ARHGAP18: variants seen among roughly 807,000 people sequenced by gnomAD.
The protein encoded by ARHGAP18 is Rho GTPase activating protein 18.
Under a neutral mutation model 86.2 loss-of-function variants are expected in ARHGAP18, and 67 were observed. The ratio of observed to expected loss-of-function variants is 0.78; its 90% CI spans 0.64 to 0.95. The LOEUF (loss-of-function observed/expected upper bound fraction) is 0.95. ARHGAP18 is among the 40% of genes least tolerant of loss of function. The pLI is 0.00. For synonymous variants in ARHGAP18, 283 were observed against 280.4 expected (o/e 1.01, Z -0.09); for missense variants, 691 against 780.4 (o/e 0.89, Z 1.37).
At chr6:129,625,002 ATAT>A (rs1789316841) in intron 5 of ARHGAP18, among the ~76,000 whole-genome samples, 12 of 101,044 alleles carry the variant, frequency 1.2e-4, no homozygotes, top group South Asian at 2.7e-4. Flanking sequence ...TATATGATAT[ATAT>A]TTATATAATA....
intron 1 of ARHGAP18, among the ~76,000 whole-genome samples, chr6:129,691,091 A>G (rs1196233704): frequency 2.6e-5 from 4 of 152,332 alleles, no homozygotes; most frequent in African/African-American, 9.6e-5. Context: ...TCACAATTCA[A>G]CTGGTTATTC....
chr6:129,632,523 C>T (rs1430361364), intron 4 of ARHGAP18, among the ~76,000 whole-genome samples: 1 of 152,102 alleles, frequency 6.6e-6, no homozygotes, highest in Non-Finnish European at 1.5e-5. Flanking sequence ...CCCCAGAGCC[C>T]AAAACATATT....
intron 7 of ARHGAP18, 139 bp from the exon 8 acceptor site, chr6:129,611,749 T>C (rs7753754): frequency 0.37 from 239,381 of 646,470 alleles, 48,071 homozygotes; most frequent in African/African-American, 0.67. Flanking sequence ...AATGCTATTT[T>C]ACTACCACTG....
chr6:129,698,186 C>T (rs1232659383), intron 1 of ARHGAP18, among the ~76,000 whole-genome samples: 3 of 152,150 alleles, frequency 2.0e-5, no homozygotes, highest in Non-Finnish European at 4.4e-5. Context: ...AATTTGTACA[C>T]TTATTTTTTT....
chr6:129,602,977 A>G (rs562769014), intron 10 of ARHGAP18, among the ~76,000 whole-genome samples: 1 of 133,040 alleles, frequency 7.5e-6, no homozygotes, highest in East Asian at 2.2e-4. Flanking sequence ...GAACCTTCAG[A>G]ATTTCCCCTT....
intron 1 of ARHGAP18, among the ~76,000 whole-genome samples, chr6:129,703,775 T>C (rs1774756960): frequency 6.6e-6 from 1 of 152,228 alleles, no homozygotes; most frequent in Non-Finnish European, 1.5e-5. Context: ...CAAAGGACTC[T>C]TATGTCATGA....
chr6:129,678,083 T>C (rs1334039956), intron 1 of ARHGAP18, among the ~76,000 whole-genome samples: 1 of 152,208 alleles, frequency 6.6e-6, no homozygotes, highest in Non-Finnish European at 1.5e-5. Context: ...TGTTGTCAGA[T>C]AACAGAGAGA....
chr6:129,655,380 G>A (rs989533061), intron 1 of ARHGAP18, among the ~76,000 whole-genome samples: 26 of 147,654 alleles, frequency 1.8e-4, no homozygotes, highest in Non-Finnish European at 1.0e-4. Flanking sequence ...AGCCTGTAGA[G>A]ACCATAAAGT....
At chr6:129,626,099 CACACACAT>C (rs1460802489) in intron 5 of ARHGAP18, among the ~76,000 whole-genome samples, 21 of 135,590 alleles carry the variant, frequency 1.5e-4, no homozygotes, top group African/African-American at 5.4e-4. Context: ...CACACACACA[CACACACAT>C]ATATAGAAGA....
In ARHGAP18 at chr6:129,622,329, T is replaced by C. The variant is rs61561025; in HGVS notation, c.787-3477A>G. Among the ~76,000 whole-genome samples the C allele has an allele frequency of 6.7e-3, 1,017 of 152,296 alleles. 12 individuals are homozygous for C. Among genetic ancestry groups the C allele is most frequent in the African/African-American group, 0.022 (908 of 41,548 alleles). On this transcript the variant is annotated intron_variant, in intron 5 of 14. Coordinates refer to ENST00000368149, the MANE Select transcript of ARHGAP18 (RefSeq NM_033515.3). The stretch of plus-strand genomic sequence containing the variant: ...CATTTTCTGAATGCTGAACCAACCA[T>C]ATTTACCTTTTTTTTAAGCCCTAAA...
chr6:129,591,400 G>A (rs938016444), intron 12 of ARHGAP18, among the ~76,000 whole-genome samples: 1 of 152,066 alleles, frequency 6.6e-6, no homozygotes, highest in Non-Finnish European at 1.5e-5. Context: ...CAGCAGGACT[G>A]GAGAAGGGCA....
At chr6:129,669,429 C>A (rs887247779) in intron 1 of ARHGAP18, among the ~76,000 whole-genome samples, 11 of 151,316 alleles carry the variant, frequency 7.3e-5, no homozygotes, top group African/African-American at 2.7e-4. Flanking sequence ...ACCTCGGCTT[C>A]CCAAAGTGCT....
intron 13 of ARHGAP18, among the ~76,000 whole-genome samples, chr6:129,581,296 G>GAC (rs1788284036): frequency 1.3e-5 from 2 of 152,162 alleles, no homozygotes; most frequent in African/African-American, 4.8e-5. Flanking sequence ...TGGCACACTG[G>GAC]ACAGTCAGGG....
intron 1 of ARHGAP18, among the ~76,000 whole-genome samples, chr6:129,706,951 G>A (rs761063885): frequency 9.9e-5 from 15 of 151,332 alleles, no homozygotes; most frequent in Non-Finnish European, 1.5e-4. Context: ...TTCAGGCTGG[G>A]CGCAGTGGCT....
At chr6:129,697,149 G>A (rs923799053) in intron 1 of ARHGAP18, among the ~76,000 whole-genome samples, 2 of 152,160 alleles carry the variant, frequency 1.3e-5, no homozygotes, top group South Asian at 2.1e-4. Flanking sequence ...CTCTCAGGGA[G>A]CCCAAGCCAT....
intron 10 of ARHGAP18, among the ~76,000 whole-genome samples, chr6:129,605,041 GA>G (rs1235621718): frequency 6.6e-6 from 1 of 151,654 alleles, no homozygotes; most frequent in Admixed American, 6.6e-5. Flanking sequence ...ATCTTAAATA[GA>G]AAAAAATGAA....
chr6:129,680,353 A>T (rs1774304440), intron 1 of ARHGAP18, among the ~76,000 whole-genome samples: 1 of 152,230 alleles, frequency 6.6e-6, no homozygotes, highest in Non-Finnish European at 1.5e-5. Context: ...GGTCCCCAAA[A>T]GCAAGGTTCT....
intron 1 of ARHGAP18, among the ~76,000 whole-genome samples, chr6:129,682,466 AT>A (rs1774341266): frequency 6.6e-6 from 1 of 152,126 alleles, no homozygotes; most frequent in African/African-American, 2.4e-5. Context: ...GAATCAAAGC[AT>A]AGCTGTCACC....
chr6:129,636,616 C>T (rs919473147), intron 3 of ARHGAP18, among the ~76,000 whole-genome samples: 1 of 152,188 alleles, frequency 6.6e-6, no homozygotes, highest in African/African-American at 2.4e-5. Context: ...GTGGCTCACA[C>T]CTGTAATCCC....
Sources: gnomAD v4.1 joint callset for allele counts (sites outside exome capture counted in the v4.1 genomes callset) on GRCh38, gnomAD v4.1.1 for gene constraint, MANE v1.5 for transcripts, NCBI Gene and HGNC (gene_info 2026-07-23, HGNC 2026-07-21) for gene names.